IL19: variants seen among roughly 807,000 people sequenced by gnomAD.
IL19 encodes interleukin-19.
IL19 carries 15 observed loss-of-function variants against 19.5 expected under a neutral mutation model. The ratio of observed to expected loss-of-function variants is 0.77; its 90% CI spans 0.52 to 1.19. IL19 has a LOEUF of 1.19. Among genes scored for constraint, IL19 ranks in the 50% most tolerant of loss-of-function variants. The probability of loss-of-function intolerance (pLI) is 0.00; values close to 1 mark genes in which losing one functional copy is unlikely to be tolerated. For synonymous variants in IL19, 78 were observed against 78.3 expected, an observed-to-expected ratio of 1.00 and a Z score of 0.02; for missense variants, 199 against 213.1, an observed-to-expected ratio of 0.93 and a Z score of 0.41.
At chr1:206,832,610 A>C (rs1353817228) in intron 2 of IL19, among the ~76,000 whole-genome samples, 1 of 152,200 alleles carries the variant, frequency 6.6e-6, no homozygotes, top group Non-Finnish European at 1.5e-5. Flanking sequence ...TGCAGCTTCT[A>C]GGAAAAATGA....
intron 2 of IL19, among the ~76,000 whole-genome samples, chr1:206,815,696 C>G (rs1026598598): frequency 4.6e-5 from 7 of 151,938 alleles, no homozygotes; most frequent in African/African-American, 1.5e-4. Flanking sequence ...CAAGTCATAA[C>G]CAGACATATC....
intron 2 of IL19, among the ~76,000 whole-genome samples, chr1:206,836,152 C>T (rs1245434818): frequency 6.6e-6 from 1 of 152,212 alleles, no homozygotes; most frequent in South Asian, 2.1e-4. Flanking sequence ...TGGCTTCAAA[C>T]AAATGATTTT....
At chr1:206,827,281 T>C (rs1676461754) in intron 2 of IL19, among the ~76,000 whole-genome samples, 1 of 152,216 alleles carries the variant, frequency 6.6e-6, no homozygotes, top group Non-Finnish European at 1.5e-5. Context: ...TTATGGTGTT[T>C]GTGTTATTTG....
intron 1 of IL19, among the ~76,000 whole-genome samples, chr1:206,793,748 C>T (rs1325143196): frequency 6.6e-6 from 1 of 152,196 alleles, no homozygotes; most frequent in Non-Finnish European, 1.5e-5. Context: ...GCTTTCTGAA[C>T]CTCTAACGCC....
At chr1:206,836,886 C>T (rs1011555462) in intron 3 of IL19, 72 bp from the exon 4 acceptor site, 1 of 1,602,922 alleles carries the variant, frequency 6.2e-7, no homozygotes, top group Non-Finnish European at 8.5e-7. Flanking sequence ...AGTTCCTTCT[C>T]ATTGCCTTTT....
At chr1:206,826,491 G>A (rs1007131468) in intron 2 of IL19, among the ~76,000 whole-genome samples, 1 of 152,152 alleles carries the variant, frequency 6.6e-6, no homozygotes, top group African/African-American at 2.4e-5. Context: ...CCTCGTCCCT[G>A]GCCTGCCCTT....
intron 1 of IL19, among the ~76,000 whole-genome samples, chr1:206,790,135 C>G (rs780344013): frequency 6.6e-6 from 1 of 152,182 alleles, no homozygotes; most frequent in African/African-American, 2.4e-5. Context: ...AAAGGTTGTA[C>G]TAATATACAT....
chr1:206,772,058 G>A (rs1468074256), intron 1 of IL19, among the ~76,000 whole-genome samples: 1 of 152,190 alleles, frequency 6.6e-6, no homozygotes, highest in African/African-American at 2.4e-5. Context: ...ACTTTATAAG[G>A]CAGGTTTCCT....
intron 6 of IL19, among the ~76,000 whole-genome samples, chr1:206,841,562 A>C (rs907919460): frequency 1.3e-5 from 2 of 152,244 alleles, no homozygotes; most frequent in African/African-American, 4.8e-5. Flanking sequence ...TCTCATGAGC[A>C]TCAGTTCAAG....
At chr1:206,771,701 C>T (rs3024491) in intron 1 of IL19, among the ~76,000 whole-genome samples, 5 of 152,024 alleles carry the variant, frequency 3.3e-5, no homozygotes, top group Non-Finnish European at 5.9e-5. Context: ...GAGCTACATT[C>T]GGCTTTAAGG....
chr1:206,782,295 CA>C (rs1675166034), intron 1 of IL19, among the ~76,000 whole-genome samples: 1 of 152,058 alleles, frequency 6.6e-6, no homozygotes. Flanking sequence ...GCAGGATCCT[CA>C]CAACTGCTCT....
intron 2 of IL19, among the ~76,000 whole-genome samples, chr1:206,819,010 A>G (rs916336628): frequency 6.6e-6 from 1 of 151,020 alleles, no homozygotes; most frequent in African/African-American, 2.4e-5. Flanking sequence ...ATGGGGTTTC[A>G]CTGTGTTGGC....
At chr1:206,790,398 T>G (rs1675368949) in intron 1 of IL19, among the ~76,000 whole-genome samples, 1 of 152,158 alleles carries the variant, frequency 6.6e-6, no homozygotes. Context: ...GGCCTGCTTA[T>G]GGTCATTCCT....
At chr1:206,822,133 G>A (rs6685379) in intron 2 of IL19, among the ~76,000 whole-genome samples, 107,553 of 152,026 alleles carry the variant, frequency 0.71, 38,893 homozygotes, top group Non-Finnish European at 0.79. Context: ...TCTGGGCAAG[G>A]GGGAAAGGGG....
In IL19 at chr1:206,787,550, C is replaced by T. The variant is rs76336206; in HGVS notation, c.-148-11311C>T. 3.9e-4 allele frequency among the ~76,000 whole-genome samples: 59 copies of T among 152,206 alleles called. 1 individual carries two copies. The South Asian group carries it at 9.5e-3, about 25-fold the overall frequency. On this transcript the variant is annotated intron_variant, in intron 1 of 6. Transcript: ENST00000659997. ...TTCTCAAATGGTAAAGACCTAGGTC[C>T]GGGAAAAGGAGGCCTGGGTTTCGGT...
intron 2 of IL19, among the ~76,000 whole-genome samples, chr1:206,811,197 G>A (rs1558614826): frequency 6.6e-6 from 1 of 152,104 alleles, no homozygotes; most frequent in South Asian, 2.1e-4. Context: ...ATTGATCATG[G>A]TGCATCTAGG....
In IL19 at chr1:206,770,940, G is replaced by A. The variant is rs5743626; in HGVS notation, c.-287G>A. 171 of 1,614,152 alleles carry A rather than the reference G, an allele frequency of 1.1e-4. No individual in the cohort carries two copies. In the African/African-American group the frequency reaches 2.1e-3, roughly 20 times the overall value. On this transcript the variant is annotated 5_prime_UTR_variant, in exon 1 of 7. Coordinates refer to ENST00000659997, the MANE Select transcript of IL19 (RefSeq NM_153758.5). The stretch of plus-strand genomic sequence containing the variant: ...GTAGCCTCAGCCTGAGGGTCTTCAG[G>A]TTCTCCCCCAGGGAGTTCACATGCG...
chr1:206,784,673 G>C (rs1456540337), intron 1 of IL19, among the ~76,000 whole-genome samples: 1 of 152,214 alleles, frequency 6.6e-6, no homozygotes, highest in Non-Finnish European at 1.5e-5. Flanking sequence ...CGGGGGCGGC[G>C]GGGGTGTGGA....
intron 1 of IL19, chr1:206,772,473 C>A (rs777424485): frequency 1.1e-5 from 17 of 1,606,476 alleles, no homozygotes; most frequent in Non-Finnish European, 1.4e-5. Context: ...TTTGGTTTTG[C>A]AAGAGCAAGC....
Sources: gnomAD v4.1 joint callset for allele counts (sites outside exome capture counted in the v4.1 genomes callset) on GRCh38, gnomAD v4.1.1 for gene constraint, MANE v1.5 for transcripts, NCBI Gene and HGNC (gene_info 2026-07-23, HGNC 2026-07-21) for gene names.